CLSTN2: variants seen among roughly 807,000 people sequenced by gnomAD.
CLSTN2 encodes the protein calsyntenin-2.
A neutral mutation model predicts 101.2 loss-of-function variants in CLSTN2; 48 were observed. The observed-to-expected ratio is 0.47, with a 90% CI of 0.38 to 0.60. The LOEUF is 0.60. CLSTN2 is among the 20% of genes least tolerant of loss of function. CLSTN2 has a pLI of 0.00. For missense variants in CLSTN2, 1,160 were observed against 1,238.2 expected, an observed-to-expected ratio of 0.94 and a Z score of 0.95; for synonymous variants, 481 against 463.6, an observed-to-expected ratio of 1.04 and a Z score of -0.48.
chr3:140,171,220 G>A (rs906372848), intron 1 of CLSTN2, among the ~76,000 whole-genome samples: 5 of 152,118 alleles, frequency 3.3e-5, no homozygotes, highest in East Asian at 1.9e-4. Flanking sequence ...GCATCAGTCC[G>A]AATGCCAAAC....
At chr3:140,166,953 G>A (rs1028024249) in intron 1 of CLSTN2, among the ~76,000 whole-genome samples, 4 of 152,294 alleles carry the variant, frequency 2.6e-5, no homozygotes, top group Admixed American at 2.6e-4. Flanking sequence ...AGCGAAGCAT[G>A]AGCTGACTAA....
intron 2 of CLSTN2, among the ~76,000 whole-genome samples, chr3:140,388,475 G>C (rs536261262): frequency 6.6e-6 from 1 of 152,188 alleles, no homozygotes; most frequent in East Asian, 1.9e-4. Flanking sequence ...AGAGGGTAAC[G>C]TGTAAAGAAA....
intron 1 of CLSTN2, among the ~76,000 whole-genome samples, chr3:140,099,938 A>G (rs191881043): frequency 1.3e-5 from 2 of 152,250 alleles, no homozygotes; most frequent in South Asian, 2.1e-4. Flanking sequence ...CTCATGACCT[A>G]CTTTCTCTGG....
chr3:140,133,614 G>A (rs984386025), intron 1 of CLSTN2, among the ~76,000 whole-genome samples: 1 of 152,150 alleles, frequency 6.6e-6, no homozygotes, highest in Admixed American at 6.5e-5. Flanking sequence ...CTGAATAATT[G>A]CAGAGGTGGG....
chr3:140,287,598 A>G (rs1219166988), intron 2 of CLSTN2, among the ~76,000 whole-genome samples: 1 of 152,196 alleles, frequency 6.6e-6, no homozygotes, highest in Non-Finnish European at 1.5e-5. Context: ...ATGGAATACC[A>G]TAAGAATAGG....
At chr3:140,316,243 A>G (rs1313056910) in intron 2 of CLSTN2, among the ~76,000 whole-genome samples, 2 of 152,194 alleles carry the variant, frequency 1.3e-5, no homozygotes, top group African/African-American at 4.8e-5. Flanking sequence ...GGCTGGCATG[A>G]GGAATGGGAC....
intron 2 of CLSTN2, among the ~76,000 whole-genome samples, chr3:140,228,050 C>A (rs571394245): frequency 6.6e-6 from 1 of 152,282 alleles, no homozygotes; most frequent in African/African-American, 2.4e-5. Flanking sequence ...TTTGTCTCCT[C>A]GTTACTTATG....
At chr3:140,093,148 A>G (rs2008809724) in intron 1 of CLSTN2, among the ~76,000 whole-genome samples, 1 of 152,142 alleles carries the variant, frequency 6.6e-6, no homozygotes, top group South Asian at 2.1e-4. Flanking sequence ...GACTCCCTCA[A>G]CTGCAGCACG....
At chr3:140,558,611 C>T (rs1279895004) in intron 11 of CLSTN2, 29 bp from the exon 12 acceptor site, 1 of 1,580,334 alleles carries the variant, frequency 6.3e-7, no homozygotes, top group Non-Finnish European at 8.7e-7. Flanking sequence ...GTTTGCTCAT[C>T]AGTGCCATGA....
chr3:140,050,855 C>T (rs2007976128), intron 1 of CLSTN2, among the ~76,000 whole-genome samples: 1 of 152,150 alleles, frequency 6.6e-6, no homozygotes, highest in South Asian at 2.1e-4. Context: ...CTACAGGGTG[C>T]AATGCTGGGT....
At chr3:139,949,814 T>G (rs1935264511) in intron 1 of CLSTN2, among the ~76,000 whole-genome samples, 1 of 152,204 alleles carries the variant, frequency 6.6e-6, no homozygotes. Flanking sequence ...TGTCATTCCT[T>G]GGGTCCTCCT....
intron 2 of CLSTN2, among the ~76,000 whole-genome samples, chr3:140,179,620 C>CAAAAAAAAAAAAAAAAAAAA (rs57433306): frequency 2.7e-5 from 1 of 37,464 alleles, no homozygotes; most frequent in Non-Finnish European, 5.0e-5. Flanking sequence ...GACCCTATCT[C>CAAAAAAAAAAAAAAAAAAAA]AAAAAAAAAA....
chr3:140,280,279 T>TA (rs1193000336), intron 2 of CLSTN2, among the ~76,000 whole-genome samples: 1 of 152,152 alleles, frequency 6.6e-6, no homozygotes, highest in Non-Finnish European at 1.5e-5. Flanking sequence ...CCTGACCCAT[T>TA]AGTAGGATGC....
At chr3:140,456,599 C>T (rs1043459533) in intron 6 of CLSTN2, among the ~76,000 whole-genome samples, 14 of 152,046 alleles carry the variant, frequency 9.2e-5, no homozygotes, top group African/African-American at 3.4e-4. Flanking sequence ...CCAGCCTGGC[C>T]AACATGGTGA....
Position 140,063,746 on chromosome 3 carries a change from T to C in CLSTN2, c.110-112205T>C, listed in dbSNP as rs898185890. On this transcript the variant is annotated intron_variant, in intron 1 of 16. Coordinates refer to ENST00000458420, the MANE Select transcript of CLSTN2 (RefSeq NM_022131.3). ...CCTTCAGTATCTTGTCACCCTTTTG[T>C]AGGAGGGGCCATCTTGCACCTTGAG... Among the ~76,000 whole-genome samples the C allele has an allele frequency of 3.3e-5, 5 of 152,146 alleles. 1 individual carries two copies. Among genetic ancestry groups the C allele is most frequent in the Admixed American group, 3.3e-4 (5 of 15,284 alleles).
At chr3:140,249,350 T>C (rs183629843) in intron 2 of CLSTN2, among the ~76,000 whole-genome samples, 5 of 152,320 alleles carry the variant, frequency 3.3e-5, no homozygotes, top group Admixed American at 3.3e-4. Flanking sequence ...GCTGAGAGTA[T>C]GAGCAGTCTG....
At chr3:140,462,216 C>A (rs1047190480) in intron 7 of CLSTN2, among the ~76,000 whole-genome samples, 11 of 152,032 alleles carry the variant, frequency 7.2e-5, no homozygotes, top group African/African-American at 2.7e-4. Flanking sequence ...TCATCAGTTA[C>A]CTTTATATAA....
chr3:140,460,054 C>T (rs1479038850), intron 7 of CLSTN2, among the ~76,000 whole-genome samples: 3 of 152,150 alleles, frequency 2.0e-5, no homozygotes, highest in African/African-American at 7.2e-5. Context: ...AGAATGCTAG[C>T]ATTCCCAGAA....
Position 140,218,026 on chromosome 3 carries a change from A to G in CLSTN2, c.232+41953A>G, listed in dbSNP as rs147174177. Reference sequence around the variant, plus strand: ...TCCATTTATGAGCAGCAGGATGACCAGGCATAGGACCCTGTGGTCCTTTTC... The same window carrying G: ...TCCATTTATGAGCAGCAGGATGACCGGGCATAGGACCCTGTGGTCCTTTTC... On this transcript the variant is annotated intron_variant, in intron 2 of 16. Coordinates refer to ENST00000458420, the MANE Select transcript of CLSTN2 (RefSeq NM_022131.3). Among the ~76,000 whole-genome samples the G allele has an allele frequency of 1.0e-3, 152 of 152,342 alleles. 1 individual carries two copies. The highest frequency in any genetic ancestry group is 3.5e-3 in the African/African-American group (146 of 41,582).
Sources: gnomAD v4.1 joint callset for allele counts (sites outside exome capture counted in the v4.1 genomes callset) on GRCh38, gnomAD v4.1.1 for gene constraint, MANE v1.5 for transcripts, NCBI Gene and HGNC (gene_info 2026-07-23, HGNC 2026-07-21) for gene names.